RAB6A: variants seen among roughly 807,000 people sequenced by gnomAD.
RAB6A encodes the protein ras-related protein Rab-6A.
Under a neutral mutation model 32.3 loss-of-function variants are expected in RAB6A, and 8 were observed. The observed-to-expected ratio is 0.25, with a 90% CI of 0.15 to 0.45. The LOEUF (loss-of-function observed/expected upper bound fraction) is 0.45. Ranked by LOEUF, RAB6A falls within the 20% of genes least tolerant of loss-of-function variation. The pLI is 1.00. For missense variants in RAB6A, 104 were observed against 249.4 expected (o/e 0.42, Z 3.93); for synonymous variants, 73 against 82.1 (o/e 0.89, Z 0.60).
intron 6 of RAB6A, among the ~76,000 whole-genome samples, chr11:73,695,435 A>G (rs1045425508): frequency 2.0e-5 from 3 of 151,572 alleles, no homozygotes; most frequent in African/African-American, 7.3e-5. Context: ...GCTGGAATAC[A>G]GTGGCGCAAT....
At chr11:73,712,450 A>C (rs1945973100) in intron 5 of RAB6A, among the ~76,000 whole-genome samples, 1 of 151,948 alleles carries the variant, frequency 6.6e-6, no homozygotes, top group Non-Finnish European at 1.5e-5. Flanking sequence ...TCCTGGGCTC[A>C]AGCAATTCTC....
intron 1 of RAB6A, 46 bp downstream of exon 1, chr11:73,760,520 G>T: frequency 6.4e-7 from 1 of 1,560,434 alleles, no homozygotes; most frequent in Non-Finnish European, 8.7e-7. Context: ...GGGCGGTGCG[G>T]GGACGCTGCG....
intron 1 of RAB6A, among the ~76,000 whole-genome samples, chr11:73,731,468 T>C (rs1946299709): frequency 6.9e-6 from 1 of 145,804 alleles, no homozygotes; most frequent in Admixed American, 7.0e-5. Flanking sequence ...AACTTGAACC[T>C]AGGAGATGGA....
At chr11:73,752,696 T>C (rs1946686407) in intron 1 of RAB6A, among the ~76,000 whole-genome samples, 1 of 151,848 alleles carries the variant, frequency 6.6e-6, no homozygotes, top group Admixed American at 6.6e-5. Context: ...CGCATGCTTG[T>C]GGTTCCAGCT....
chr11:73,722,351 T>TA (rs1946155316), intron 2 of RAB6A: 4 of 63,540 alleles, frequency 6.3e-5, no homozygotes, highest in African/African-American at 2.1e-4. Flanking sequence ...ATATTTTTTT[T>TA]TTTTTTTTTT....
In RAB6A at chr11:73,709,201, T is replaced by C. The variant is rs1001616380; in HGVS notation, c.402-1688A>G. ...CAACATCATACCATCATTGAATCTA[T>C]AGGTTTTATTCTTGTCAATTATCCC... On this transcript the variant is annotated intron_variant, in intron 5 of 7. Coordinates refer to ENST00000336083, the MANE Select transcript of RAB6A (RefSeq NM_198896.2). Among the ~76,000 whole-genome samples, 5 of 152,014 alleles carry C rather than the reference T, an allele frequency of 3.3e-5. No homozygotes were observed. The East Asian group carries it at 7.8e-4, about 24-fold the overall frequency.
At chr11:73,740,070 A>T (rs184691159) in intron 1 of RAB6A, among the ~76,000 whole-genome samples, 9 of 151,936 alleles carry the variant, frequency 5.9e-5, no homozygotes, top group African/African-American at 1.9e-4. Flanking sequence ...AAAAAAAGAA[A>T]AAAAAAAAAA....
At chr11:73,711,889 T>C (rs555195746) in intron 5 of RAB6A, among the ~76,000 whole-genome samples, 6 of 152,326 alleles carry the variant, frequency 3.9e-5, no homozygotes, top group Non-Finnish European at 5.9e-5. Flanking sequence ...CAGAGCTTCT[T>C]TTCAGATAAT....
chr11:73,710,710 C>T (rs1945942639), intron 5 of RAB6A, among the ~76,000 whole-genome samples: 1 of 151,300 alleles, frequency 6.6e-6, no homozygotes, highest in Non-Finnish European at 1.5e-5. Flanking sequence ...GCACTCCAGC[C>T]TGGGCAACAG....
At chr11:73,744,572 T>C (rs577447470) in intron 1 of RAB6A, among the ~76,000 whole-genome samples, 3 of 149,062 alleles carry the variant, frequency 2.0e-5, no homozygotes, top group African/African-American at 7.4e-5. Flanking sequence ...AGCAGGACTT[T>C]TATTTTACTC....
chr11:73,696,780 T>G (rs1369137417), intron 6 of RAB6A, among the ~76,000 whole-genome samples: 1 of 151,884 alleles, frequency 6.6e-6, no homozygotes, highest in African/African-American at 2.4e-5. Context: ...AATTTTTTTT[T>G]TTTTGCAGAC....
At chr11:73,681,585 G>A (rs1018888133) in intron 6 of RAB6A, among the ~76,000 whole-genome samples, 1 of 152,190 alleles carries the variant, frequency 6.6e-6, no homozygotes, top group Non-Finnish European at 1.5e-5. Context: ...GGCCAAGGAA[G>A]GCAGATTACG....
chr11:73,681,007 A>G (rs1590818039), intron 6 of RAB6A, among the ~76,000 whole-genome samples: 1 of 152,198 alleles, frequency 6.6e-6, no homozygotes. Context: ...ACTGGGTACA[A>G]CAGCCAGTGA....
chr11:73,707,670 T>C (rs1945870503), intron 5 of RAB6A, among the ~76,000 whole-genome samples, 157 bp from the exon 6 acceptor site: 1 of 152,250 alleles, frequency 6.6e-6, no homozygotes, highest in African/African-American at 2.4e-5. Flanking sequence ...TCTTGAAATT[T>C]GTGTGTTTCT....
chr11:73,718,932 C>G (rs776042265), intron 3 of RAB6A: 2 of 1,412,800 alleles, frequency 1.4e-6, no homozygotes, highest in Admixed American at 2.1e-5. Flanking sequence ...AAAAACCAAA[C>G]TAATACTAAA....
intron 1 of RAB6A, among the ~76,000 whole-genome samples, chr11:73,755,830 A>G (rs1003722091): frequency 1.4e-5 from 2 of 147,538 alleles, no homozygotes; most frequent in Admixed American, 1.4e-4. Flanking sequence ...GGAAGGGAGA[A>G]GGGGGAAGGA....
chr11:73,683,242 T>C (rs1050855241), intron 6 of RAB6A, among the ~76,000 whole-genome samples: 3 of 142,910 alleles, frequency 2.1e-5, no homozygotes, highest in African/African-American at 5.1e-5. Context: ...AATAACGATA[T>C]AGACCCATCT....
chr11:73,688,973 A>G (rs750793718), intron 6 of RAB6A, among the ~76,000 whole-genome samples: 7 of 152,142 alleles, frequency 4.6e-5, no homozygotes, highest in Admixed American at 3.9e-4. Context: ...TCTATAAAAA[A>G]TTAGCCAGGT....
chr11:73,677,715 A>G lies in RAB6A; in HGVS notation c.*183T>C, dbSNP rs3182803. ...TTTGTAAAATATAAATAATGAAGAC[A>G]CTGACTTTTGTTGTGCTTGTGAAGC... On this transcript the variant is annotated 3_prime_UTR_variant, in exon 8 of 8. Transcript: ENST00000336083. 1.4e-6 allele frequency: 2 copies of G among 1,407,636 alleles called. No homozygotes were observed. Among genetic ancestry groups the G allele is most frequent in the African/African-American group, 2.9e-5 (2 of 69,264 alleles). 87.2% of individuals were successfully genotyped at this position (1,407,636 alleles called of 1,614,324 possible). A position where few individuals can be genotyped will look rare whatever the true frequency, so the allele number is the denominator to read the frequency against.
Sources: gnomAD v4.1 joint callset for allele counts (sites outside exome capture counted in the v4.1 genomes callset) on GRCh38, gnomAD v4.1.1 for gene constraint, MANE v1.5 for transcripts, NCBI Gene and HGNC (gene_info 2026-07-23, HGNC 2026-07-21) for gene names.